ZNF385D: variants seen among roughly 807,000 people sequenced by gnomAD.
ZNF385D encodes zinc finger protein 385D.
ZNF385D carries 15 observed loss-of-function variants against 35.8 expected under a neutral mutation model. The observed-to-expected ratio is 0.42, with a 90% CI of 0.28 to 0.64. ZNF385D has a LOEUF of 0.64. ZNF385D is among the 30% of genes least tolerant of loss of function. The pLI is 0.23. For synonymous variants in ZNF385D, 212 were observed against 186.8 expected (o/e 1.13, Z -1.10); for missense variants, 474 against 494.6 (o/e 0.96, Z 0.39).
intron 2 of ZNF385D, among the ~76,000 whole-genome samples, chr3:22,364,477 G>A (rs1696561491): frequency 6.6e-6 from 1 of 151,938 alleles, no homozygotes; most frequent in Non-Finnish European, 1.5e-5. Flanking sequence ...ACATACAAAT[G>A]GCTAACGAGC....
intron 3 of ZNF385D, among the ~76,000 whole-genome samples, chr3:22,005,678 A>G (rs1696157950): frequency 6.6e-6 from 1 of 152,090 alleles, no homozygotes; most frequent in Non-Finnish European, 1.5e-5. Flanking sequence ...ACACCTCATT[A>G]TACCCACTTG....
At chr3:22,090,678 G>A (rs1701282918) in intron 3 of ZNF385D, among the ~76,000 whole-genome samples, 2 of 152,222 alleles carry the variant, frequency 1.3e-5, no homozygotes, top group Middle Eastern at 3.4e-3. Flanking sequence ...CATTTCTCAT[G>A]TGAAATTTAG....
At chr3:22,124,191 TC>T (rs1314189032) in intron 3 of ZNF385D, among the ~76,000 whole-genome samples, 1 of 152,002 alleles carries the variant, frequency 6.6e-6, no homozygotes, top group African/African-American at 2.4e-5. Context: ...GTCATGTTTT[TC>T]TGTGTCTGGA....
intron 2 of ZNF385D, among the ~76,000 whole-genome samples, chr3:22,270,115 T>C (rs1701097881): frequency 6.6e-6 from 1 of 151,912 alleles, no homozygotes. Flanking sequence ...ACCAAGGGTG[T>C]AGAGAACATT....
At chr3:22,236,761 T>G (rs1298122400) in intron 2 of ZNF385D, among the ~76,000 whole-genome samples, 1 of 152,162 alleles carries the variant, frequency 6.6e-6, no homozygotes, top group South Asian at 2.1e-4. Context: ...TCTGTCTCTA[T>G]AGATTGGTTT....
chr3:21,829,842 T>G (rs1011717911), intron 3 of ZNF385D, among the ~76,000 whole-genome samples: 1 of 151,992 alleles, frequency 6.6e-6, no homozygotes, highest in Non-Finnish European at 1.5e-5. Context: ...TTTTAGAGTT[T>G]GGCCTGACAT....
intron 3 of ZNF385D, among the ~76,000 whole-genome samples, chr3:21,818,902 C>T (rs1008202669): frequency 5.9e-5 from 9 of 151,898 alleles, no homozygotes; most frequent in Non-Finnish European, 1.2e-4. Context: ...CTGAGAAACA[C>T]GTGAATGAAT....
At chr3:22,182,956 T>C (rs372214173) in intron 2 of ZNF385D, among the ~76,000 whole-genome samples, 1 of 152,054 alleles carries the variant, frequency 6.6e-6, no homozygotes, top group Non-Finnish European at 1.5e-5. Context: ...TGGATATGGA[T>C]AGAAATATAG....
chr3:22,271,786 C>CT (rs1290018054), intron 2 of ZNF385D, among the ~76,000 whole-genome samples: 2 of 151,940 alleles, frequency 1.3e-5, no homozygotes, highest in East Asian at 3.9e-4. Context: ...CAAAGTTAGC[C>CT]TTTTTATAAG....
chr3:22,335,487 C>G (rs1202500989), intron 2 of ZNF385D, among the ~76,000 whole-genome samples: 1 of 152,136 alleles, frequency 6.6e-6, no homozygotes, highest in Admixed American at 6.5e-5. Flanking sequence ...TCTAAAGCCT[C>G]ACTTCTTTAA....
chr3:21,980,634 G>A (rs963712152), intron 3 of ZNF385D, among the ~76,000 whole-genome samples: 1 of 152,000 alleles, frequency 6.6e-6, no homozygotes, highest in Non-Finnish European at 1.5e-5. Context: ...CATGTCCCAG[G>A]GGTTTGTTGT....
chr3:22,364,941 CAT>C (rs781185602), intron 2 of ZNF385D, among the ~76,000 whole-genome samples: 3 of 152,088 alleles, frequency 2.0e-5, no homozygotes, highest in Non-Finnish European at 4.4e-5. Flanking sequence ...AATTCTGACA[CAT>C]GTTACAACAT....
At chr3:21,422,859 T>A (rs1700808427) in intron 7 of ZNF385D, among the ~76,000 whole-genome samples, 4 of 152,030 alleles carry the variant, frequency 2.6e-5, no homozygotes, top group Admixed American at 2.0e-4. Flanking sequence ...GAGCCGTGTA[T>A]GACAAACCCA....
intron 2 of ZNF385D, among the ~76,000 whole-genome samples, chr3:22,359,577 C>T (rs962350192): frequency 4.6e-5 from 7 of 151,732 alleles, no homozygotes; most frequent in Non-Finnish European, 1.0e-4. Flanking sequence ...ATCATTGTAA[C>T]TCATTGTGTG....
chr3:22,248,855 G>C (rs187126893), intron 2 of ZNF385D, among the ~76,000 whole-genome samples: 1 of 152,112 alleles, frequency 6.6e-6, no homozygotes, highest in Non-Finnish European at 1.5e-5. Flanking sequence ...CTACTCTTCA[G>C]ATGAGGTAAT....
At chr3:21,827,238 G>C (rs1036905931) in intron 3 of ZNF385D, among the ~76,000 whole-genome samples, 4 of 152,060 alleles carry the variant, frequency 2.6e-5, no homozygotes, top group African/African-American at 7.2e-5. Flanking sequence ...AGTCCTTCAT[G>C]AAGACATTTG....
At chr3:21,945,121 C>CGT (rs949717628) in intron 3 of ZNF385D, among the ~76,000 whole-genome samples, 4 of 111,212 alleles carry the variant, frequency 3.6e-5, no homozygotes. Flanking sequence ...CATGTATATA[C>CGT]GTGTGTGTAT....
intron 1 of ZNF385D, among the ~76,000 whole-genome samples, chr3:21,721,345 C>A (rs952505317): frequency 6.6e-6 from 1 of 151,206 alleles, no homozygotes; most frequent in African/African-American, 2.4e-5. Flanking sequence ...GAAGAAAGGG[C>A]AACTAAAATC....
In ZNF385D at chr3:22,077,172, T is replaced by C. The variant is rs79603984; in HGVS notation, c.325+91645A>G. Reference sequence around the variant, plus strand: ...GCAGAGGTATTGCTATAGTTCAGTATTGATGTCTACTTTTTGTTCAGACTA... The same window carrying C: ...GCAGAGGTATTGCTATAGTTCAGTACTGATGTCTACTTTTTGTTCAGACTA... On this transcript the variant is annotated intron_variant, in intron 3 of 5. Coordinates refer to the ZNF385D transcript ENST00000494108. Among the ~76,000 whole-genome samples the C allele has an allele frequency of 2.4e-3, 371 of 152,108 alleles. 4 individuals carry two copies. Among genetic ancestry groups the C allele is most frequent in the East Asian group, 8.1e-3 (42 of 5,178 alleles).
Sources: gnomAD v4.1 joint callset for allele counts (sites outside exome capture counted in the v4.1 genomes callset) on GRCh38, gnomAD v4.1.1 for gene constraint, MANE v1.5 for transcripts, NCBI Gene and HGNC (gene_info 2026-07-23, HGNC 2026-07-21) for gene names.